STPG2: variants seen among roughly 807,000 people sequenced by gnomAD.
STPG2 encodes sperm-tail PG-rich repeat-containing protein 2.
In STPG2, 56 loss-of-function variants were observed where a neutral mutation model predicts 54.2. The ratio of observed to expected loss-of-function variants is 1.03; its 90% CI spans 0.83 to 1.29. The LOEUF is 1.29. Among genes scored for constraint, STPG2 ranks in the 50% most tolerant of loss-of-function variants. STPG2 has a pLI of 0.00. For synonymous variants in STPG2, 200 were observed against 181.8 expected (o/e 1.10, Z -0.81); for missense variants, 596 against 544.9 (o/e 1.09, Z -0.93).
intron 7 of STPG2, among the ~76,000 whole-genome samples, chr4:97,949,740 C>T (rs1439397570): frequency 6.6e-6 from 1 of 152,158 alleles, no homozygotes; most frequent in Admixed American, 6.6e-5. Flanking sequence ...AAGTGTTCTG[C>T]TGAGAAGTCT....
At chr4:97,866,625 C>T (rs967757840) in intron 8 of STPG2, among the ~76,000 whole-genome samples, 3 of 151,752 alleles carry the variant, frequency 2.0e-5, no homozygotes, top group Non-Finnish European at 4.4e-5. Context: ...CTAATTATCC[C>T]TTTTTGGTAT....
intron 5 of STPG2, among the ~76,000 whole-genome samples, chr4:98,105,588 T>C (rs1429865273): frequency 6.6e-6 from 1 of 152,106 alleles, no homozygotes; most frequent in East Asian, 1.9e-4. Flanking sequence ...TTGGATCCAG[T>C]TAGAGGCCTC....
At chr4:98,125,606 T>A (rs34942995) in intron 3 of STPG2, among the ~76,000 whole-genome samples, 2 of 152,082 alleles carry the variant, frequency 1.3e-5, no homozygotes, top group African/African-American at 4.8e-5. Context: ...GTATGAGGTG[T>A]CTGGCAACCC....
chr4:98,024,011 G>A (rs933325125), intron 5 of STPG2, among the ~76,000 whole-genome samples: 2 of 152,038 alleles, frequency 1.3e-5, no homozygotes, highest in Admixed American at 6.5e-5. Context: ...CCCTGCTTCG[G>A]CCTGCGCACA....
intron 5 of STPG2, among the ~76,000 whole-genome samples, chr4:98,105,258 C>T (rs112652637): frequency 2.6e-5 from 4 of 152,264 alleles, no homozygotes; most frequent in African/African-American, 9.6e-5. Flanking sequence ...AATCACACTC[C>T]TTTAAATTCG....
intron 10 of STPG2, among the ~76,000 whole-genome samples, chr4:97,627,876 G>C (rs564361960): frequency 1.3e-5 from 2 of 152,228 alleles, no homozygotes; most frequent in Admixed American, 6.5e-5. Flanking sequence ...TGATGGATAA[G>C]TTTTAGTTGG....
chr4:97,838,835 T>C (rs1232225652), intron 9 of STPG2, among the ~76,000 whole-genome samples: 3 of 151,618 alleles, frequency 2.0e-5, no homozygotes, highest in Non-Finnish European at 4.4e-5. Flanking sequence ...TGGTATCAGA[T>C]AATAGCTTCA....
At chr4:97,670,051 T>G (rs9994066) in intron 10 of STPG2, among the ~76,000 whole-genome samples, 1 of 151,694 alleles carries the variant, frequency 6.6e-6, no homozygotes, top group Non-Finnish European at 1.5e-5. Flanking sequence ...TATCCTTTTT[T>G]AAAAAAATTG....
chr4:97,871,999 G>C (rs904165595), intron 8 of STPG2, among the ~76,000 whole-genome samples: 1 of 150,962 alleles, frequency 6.6e-6, no homozygotes, highest in Admixed American at 6.6e-5. Context: ...TTATGAAATT[G>C]ATCATAATAC....
Position 97,527,018 on chromosome 4 carries a change from A to G in STPG2, c.462+185681T>C, listed in dbSNP as rs557621851. Reference sequence around the variant, plus strand: ...TGCCAAAGCTTTTTTTTTTTTTAATACTTTAAGTTCTGGGATACATGTGCA... The same window carrying G: ...TGCCAAAGCTTTTTTTTTTTTTAATGCTTTAAGTTCTGGGATACATGTGCA... On this transcript the variant is annotated intron_variant, in intron 4 of 4. Transcript: ENST00000522676. Among the ~76,000 whole-genome samples, 4 of 149,924 alleles carry G rather than the reference A, an allele frequency of 2.7e-5. No homozygotes were observed. The South Asian group carries it at 8.5e-4, about 32-fold the overall frequency.
At chr4:98,065,440 T>TA (rs1737805222) in intron 5 of STPG2, among the ~76,000 whole-genome samples, 2 of 152,118 alleles carry the variant, frequency 1.3e-5, no homozygotes, top group Admixed American at 1.3e-4. Flanking sequence ...ATAACGACAA[T>TA]AAAAAATAGA....
At chr4:97,547,557 T>C (rs189309572) in intron 4 of STPG2, among the ~76,000 whole-genome samples, 189 of 152,242 alleles carry the variant, frequency 1.2e-3, no homozygotes, top group Middle Eastern at 3.4e-3. Context: ...AACTTTAATT[T>C]TAGAAAGTAC....
At chr4:98,052,495 T>C (rs1221556526) in intron 5 of STPG2, among the ~76,000 whole-genome samples, 1 of 152,232 alleles carries the variant, frequency 6.6e-6, no homozygotes, top group African/African-American at 2.4e-5. Context: ...CAGATCTCTG[T>C]CTAAGGATAT....
At chr4:97,746,973 A>G (rs1478123333) in intron 9 of STPG2, among the ~76,000 whole-genome samples, 2 of 150,942 alleles carry the variant, frequency 1.3e-5, no homozygotes, top group African/African-American at 2.4e-5. Context: ...GAAGTCAGGA[A>G]AAGTGTGGGA....
intron 10 of STPG2, among the ~76,000 whole-genome samples, chr4:97,694,934 A>G (rs184570284): frequency 9.2e-4 from 139 of 151,642 alleles, no homozygotes; most frequent in African/African-American, 2.8e-3. Flanking sequence ...TACCAATCTT[A>G]TTGACACTAT....
At chr4:97,670,855 G>A (rs1421993461) in intron 10 of STPG2, among the ~76,000 whole-genome samples, 1 of 152,144 alleles carries the variant, frequency 6.6e-6, no homozygotes, top group Non-Finnish European at 1.5e-5. Flanking sequence ...TTCACAACAG[G>A]TCCCATGTCA....
chr4:97,594,968 G>A (rs964648279), intron 10 of STPG2, among the ~76,000 whole-genome samples: 5 of 152,186 alleles, frequency 3.3e-5, no homozygotes, highest in Non-Finnish European at 7.3e-5. Flanking sequence ...TGGAGAGGAT[G>A]TGGAGAAATA....
chr4:97,770,411 G>T (rs1316293659), intron 9 of STPG2, among the ~76,000 whole-genome samples: 2 of 152,108 alleles, frequency 1.3e-5, no homozygotes, highest in Non-Finnish European at 2.9e-5. Flanking sequence ...AAGCTCATTT[G>T]GCAAGCACAA....
chr4:97,565,920 T>G (rs1282638418), intron 10 of STPG2, among the ~76,000 whole-genome samples: 1 of 152,180 alleles, frequency 6.6e-6, no homozygotes, highest in Non-Finnish European at 1.5e-5. Context: ...CTGCCCATTC[T>G]CAGATCTCCA....
Sources: allele counts gnomAD v4.1 joint callset (sites outside exome capture counted in the v4.1 genomes callset), GRCh38; gene constraint gnomAD v4.1.1; transcripts MANE v1.5; gene names NCBI Gene and HGNC (gene_info 2026-07-23, HGNC 2026-07-21).